Variants in TRIM2 observed in about 807,000 individuals in gnomAD.
TRIM2 encodes the protein tripartite motif containing 2, also known as tripartite motif-containing protein 2.
A neutral mutation model predicts 75.2 loss-of-function variants in TRIM2; 20 were observed. The observed-to-expected ratio is 0.27, with a 90% CI of 0.19 to 0.39. TRIM2 has a LOEUF of 0.39. TRIM2 is among the 10% of genes least tolerant of loss of function. The pLI is 1.00. For synonymous variants in TRIM2, 373 were observed against 388.3 expected, an observed-to-expected ratio of 0.96 and a Z score of 0.46; for missense variants, 660 against 990.8, an observed-to-expected ratio of 0.67 and a Z score of 4.48.
chr4:153,200,822 A>C (rs549378948), upstream of TRIM2, among the ~76,000 whole-genome samples: 106 of 102,638 alleles, frequency 1.0e-3, no homozygotes, highest in Middle Eastern at 0.011. Context: ...TATTATTGTT[A>C]TTATTTTTTA....
chr4:153,154,941 A>T (rs1380716579), intron 1 of TRIM2, among the ~76,000 whole-genome samples: 1 of 152,160 alleles, frequency 6.6e-6, no homozygotes, highest in East Asian at 1.9e-4. Context: ...GGAGTTCAAG[A>T]CCAGCCTGGC....
At chr4:153,171,218 T>C (rs1730816607) in intron 1 of TRIM2, among the ~76,000 whole-genome samples, 1 of 152,210 alleles carries the variant, frequency 6.6e-6, no homozygotes, top group African/African-American at 2.4e-5. Flanking sequence ...TATTTGATAC[T>C]TGATCATGTC....
intron 6 of TRIM2, among the ~76,000 whole-genome samples, chr4:153,302,010 T>A (rs1409188350): frequency 1.3e-5 from 2 of 152,242 alleles, no homozygotes; most frequent in Non-Finnish European, 2.9e-5. Context: ...TTTCTATTTC[T>A]GTGAAAAAAT....
In TRIM2 at chr4:153,248,903, CAT is replaced by C; in HGVS notation, c.31-21431_31-21430del. Among the ~76,000 whole-genome samples the C allele has an allele frequency of 6.6e-6, 1 of 152,338 alleles. No individual in the cohort carries two copies. The highest frequency in any genetic ancestry group is 1.9e-4 in the East Asian group (1 of 5,170). ...AGGTTTCAAAGCATGGAAACCCAAG[CAT>C]GTTACTCGGAGAAAGTCCCACCCCC... is the stretch of plus-strand genomic sequence containing the variant. On this transcript the variant is annotated intron_variant, in intron 1 of 11. Transcript: ENST00000338700. This position sits in a 1 kb window ranked among gnomAD's most constrained non-coding sequence, Gnocchi z 4.0.
intron 1 of TRIM2, among the ~76,000 whole-genome samples, chr4:153,243,277 G>A (rs550979437): frequency 1.3e-5 from 2 of 152,326 alleles, no homozygotes; most frequent in African/African-American, 4.8e-5. Flanking sequence ...GAAGGTGATG[G>A]AGTTTATGCC....
intron 6 of TRIM2, among the ~76,000 whole-genome samples, chr4:153,298,888 C>G (rs540447764): frequency 6.6e-6 from 1 of 152,060 alleles, no homozygotes; most frequent in African/African-American, 2.4e-5. Flanking sequence ...TGCATGTCAC[C>G]AAGCCCAGCT....
chr4:153,338,463 T>C lies in TRIM2; in HGVS notation c.*3497T>C. 1 of 985,750 alleles carries C rather than the reference T, an allele frequency of 1.0e-6. No individual in the cohort carries two copies. Among genetic ancestry groups the C allele is most frequent in the Non-Finnish European group, 1.2e-6 (1 of 829,846 alleles). 61.1% of individuals were successfully genotyped at this position (985,750 alleles called of 1,614,324 possible). On this transcript the variant is annotated 3_prime_UTR_variant, in exon 12 of 12. Coordinates refer to ENST00000338700, the MANE Select transcript of TRIM2 (RefSeq NM_015271.5). ...AAAGCTATTTCATGCAAACATTATC[T>C]AATTTAGCTTAAAAGTGAAAGTGGT...
rs2149528266 is a variant in TRIM2, at chr4:153,315,937, A to G, written c.1720A>G (p.Ile574Val). 1.2e-6 allele frequency: 2 copies of G among 1,606,708 alleles called. No homozygotes were observed. Among genetic ancestry groups the G allele is most frequent in the Non-Finnish European group, 1.7e-6 (2 of 1,178,022 alleles). The change falls in exon 8 of 12, where the codon ATA becomes GTA. Residue 574 changes from isoleucine to valine, a missense_variant. By Grantham distance (29) the Ile-to-Val change is conservative. Around this residue, in one of 2 missense-constraint regions of TRIM2, gnomAD observed 620 missense variants for 891.0 expected, o/e 0.70. Transcript: ENST00000338700. ...AGTGGCTGTACATCCCAGTGGGGAC[A>G]TAATCATTGCCGATTATGATAATAA... ...TGVAVHPSGD[I>V]IIADYDNKWV...
chr4:153,274,440 A>G (rs1197701178), intron 2 of TRIM2, among the ~76,000 whole-genome samples: 1 of 152,216 alleles, frequency 6.6e-6, no homozygotes, highest in East Asian at 1.9e-4. Context: ...GGGAGAGGAT[A>G]CAGTCTGGGG....
intron 1 of TRIM2, among the ~76,000 whole-genome samples, chr4:153,186,909 G>A (rs1407660496): frequency 6.8e-6 from 1 of 147,406 alleles, no homozygotes. Flanking sequence ...ACATGTACTG[G>A]GACTTTCCAG....
At chr4:153,293,559 T>G (rs755074209) in intron 4 of TRIM2, among the ~76,000 whole-genome samples, 1 of 152,224 alleles carries the variant, frequency 6.6e-6, no homozygotes, top group Admixed American at 6.5e-5. Flanking sequence ...TGAGCAGTGA[T>G]TGCTAATTTT....
chr4:153,302,555 C>G (rs73854646), intron 6 of TRIM2, among the ~76,000 whole-genome samples: 1 of 152,166 alleles, frequency 6.6e-6, no homozygotes, highest in African/African-American at 2.4e-5. Flanking sequence ...ATTGGTATCC[C>G]AGGCAAAGGG....
At chr4:153,296,959 C>A (rs934531225) in intron 6 of TRIM2, among the ~76,000 whole-genome samples, 1 of 152,116 alleles carries the variant, frequency 6.6e-6, no homozygotes, top group African/African-American at 2.4e-5. Flanking sequence ...ATTTGGGAAA[C>A]CTTAGGCTAA....
At chr4:153,193,288 C>A (rs28385566) in intron 1 of TRIM2, among the ~76,000 whole-genome samples, 3 of 151,786 alleles carry the variant, frequency 2.0e-5, no homozygotes, top group African/African-American at 7.3e-5. Context: ...CCTGCCACCA[C>A]GCCAGGCTAA....
At position 153,296,031 on chromosome 4, in the gene TRIM2, G is replaced by C; in HGVS notation, c.1505G>C (p.Arg502Pro). Residue 502 changes from arginine (R) to proline (P), a missense_variant, in exon 6 of 12, where the codon CGA (arginine) becomes CCA (proline). Physicochemically the swap from Arg to Pro is moderately radical, Grantham distance 103 (BLOSUM62 -2). Transcript: ENST00000338700. ...CCCATCGAAGACGATTTGATCTTTC[G>C]AGTGGGTAAGGAGAGGGCTTCTGTG... ...ENPIEDDLIF[R>P]VGTKGRNKGE... 6.6e-7 allele frequency: 1 copy of C among 1,522,376 alleles called. No homozygotes were observed. The highest frequency in any genetic ancestry group is 8.8e-7 in the Non-Finnish European group (1 of 1,137,192). 94.3% of individuals were successfully genotyped at this position (1,522,376 alleles called of 1,614,324 possible). A position where few individuals can be genotyped will look rare whatever the true frequency, so the allele number is the denominator to read the frequency against.
intron 1 of TRIM2, among the ~76,000 whole-genome samples, chr4:153,188,261 A>G (rs1732816790): frequency 6.6e-6 from 1 of 152,124 alleles, no homozygotes; most frequent in South Asian, 2.1e-4. Context: ...GGAGTTTGAG[A>G]CCAGCCTGGG....
intron 1 of TRIM2, among the ~76,000 whole-genome samples, chr4:153,235,890 A>G (rs546906911): frequency 6.6e-6 from 1 of 152,190 alleles, no homozygotes; most frequent in African/African-American, 2.4e-5. Context: ...GCTCACCTCC[A>G]TCAGAATTCT....
chr4:153,303,206 G>A (rs1223893524), intron 6 of TRIM2, among the ~76,000 whole-genome samples: 3 of 152,144 alleles, frequency 2.0e-5, no homozygotes, highest in East Asian at 3.8e-4. Context: ...GCTTATGCCT[G>A]TAATCCTGGC....
chr4:153,247,000 C>T (rs1003521903), intron 1 of TRIM2, among the ~76,000 whole-genome samples: 2 of 152,166 alleles, frequency 1.3e-5, no homozygotes, highest in East Asian at 1.9e-4. Context: ...TGAGGCCTCC[C>T]GTTCTCATGT....
Sources: gnomAD v4.1 joint callset for allele counts (sites outside exome capture counted in the v4.1 genomes callset) on GRCh38, gnomAD v4.1.1 for gene constraint, gnomAD v4.1.1 regional missense constraint, Gnocchi (gnomAD v3.1) non-coding constraint, MANE v1.5 for transcripts, NCBI Gene and HGNC (gene_info 2026-07-23, HGNC 2026-07-21) for gene names.